Variants in NSD1 observed in about 807,000 individuals in gnomAD.
NSD1 encodes nuclear receptor binding SET domain protein 1, also known as histone-lysine N-methyltransferase, H3 lysine-36 specific.
Under a neutral mutation model 242.7 loss-of-function variants are expected in NSD1, and 26 were observed. The observed-to-expected ratio is 0.11, with a 90% CI of 0.08 to 0.15. The LOEUF (loss-of-function observed/expected upper bound fraction) is 0.15, where lower values mean the gene tolerates loss of function less well. Among genes scored for constraint, NSD1 ranks in the 10% least tolerant of loss-of-function variants. The pLI, the probability that NSD1 is intolerant of heterozygous loss-of-function variation, is 1.00. For missense variants in NSD1, 2,495 were observed against 3,272.8 expected, an observed-to-expected ratio of 0.76 and a Z score of 5.80; for synonymous variants, 1,106 against 1,178.1, an observed-to-expected ratio of 0.94 and a Z score of 1.25.
chr5:177,279,076 T>C (rs2127254123), intron 17 of NSD1, among the ~76,000 whole-genome samples: 1 of 152,328 alleles, frequency 6.6e-6, no homozygotes, highest in Non-Finnish European at 1.5e-5. Context: ...AATTATAAGC[T>C]GGGTGTGGTG....
chr5:177,194,950 G>A (rs993050866), intron 3 of NSD1, among the ~76,000 whole-genome samples: 2 of 151,954 alleles, frequency 1.3e-5, no homozygotes, highest in Admixed American at 1.3e-4. Flanking sequence ...CCTGAGGTCA[G>A]GAGTTCGAGA....
Position 177,282,575 on chromosome 5 carries a change from A to G in NSD1, c.6003A>G (p.Leu2001=), listed in dbSNP as rs1758979667. The G allele has an allele frequency of 6.3e-7, 1 of 1,581,008 alleles. No homozygotes were observed. The highest frequency in any genetic ancestry group is 1.7e-5 in the Admixed American group (1 of 59,958). The change falls in exon 19 of 23, where the codon CTA becomes CTG. Residue 2001 remains leucine, a synonymous_variant. Coordinates refer to ENST00000439151, the MANE Select transcript of NSD1 (RefSeq NM_022455.5). ...TCACTAATTTCTATATGCTCACCCT[A>G]GACAAAGTAAGTAATGGGAAATGCT... ...HDITNFYMLT[L]DKDRIIDAGP...
At chr5:177,205,949 G>A (rs188038845) in intron 4 of NSD1, among the ~76,000 whole-genome samples, 62 of 151,996 alleles carry the variant, frequency 4.1e-4, no homozygotes, top group Non-Finnish European at 3.4e-4. Context: ...TCAGTCTCCC[G>A]AGTAGCTGGG....
chr5:177,244,378 A>C (rs192328055), intron 9 of NSD1, 108 bp downstream of exon 9: 36 of 814,864 alleles, frequency 4.4e-5, no homozygotes, highest in Admixed American at 1.2e-4. Context: ...GTGAGGTACA[A>C]GTTTTAAAAC....
At chr5:177,204,335 T>C in intron 4 of NSD1, 43 bp downstream of exon 4, 2 of 1,571,086 alleles carry the variant, frequency 1.3e-6, no homozygotes, top group Non-Finnish European at 1.7e-6. Flanking sequence ...CAGAAGCAAG[T>C]AAGAAAAAGA....
chr5:177,289,667 TA>T (rs1297958125), intron 21 of NSD1, among the ~76,000 whole-genome samples: 1 of 152,204 alleles, frequency 6.6e-6, no homozygotes, highest in Non-Finnish European at 1.5e-5. Flanking sequence ...ACATCATAGA[TA>T]AAAGTAGAAC....
Position 177,269,809 on chromosome 5 carries a change from TA to T in NSD1, c.5509+4del. ...GAGTGGATGGGACATATAAAAAAGG[TA>T]ACTTTATCCTTTTTGTTTCTCAGGC... is the stretch of plus-strand genomic sequence containing the variant. On this transcript the variant is annotated splice_donor_region_variant and intron_variant, in intron 16 of 22. Transcript: ENST00000439151. The surrounding 1 kb of genome is among the most constrained non-coding windows in gnomAD (Gnocchi z 5.1). 1 of 1,609,228 alleles carries T rather than the reference TA, an allele frequency of 6.2e-7. No homozygotes were observed. Among genetic ancestry groups the T allele is most frequent in the Non-Finnish European group, 8.5e-7 (1 of 1,176,704 alleles).
intron 14 of NSD1, among the ~76,000 whole-genome samples, chr5:177,264,028 A>ATTTTTTTTTT (rs61538775): frequency 0.053 from 4,042 of 76,210 alleles, 807 homozygotes; most frequent in East Asian, 0.097. Flanking sequence ...CAATGAACCA[A>ATTTTTTTTTT]TTTTTTTTTT....
At chr5:177,184,807 T>C (rs1760969998) in intron 2 of NSD1, among the ~76,000 whole-genome samples, 1 of 152,142 alleles carries the variant, frequency 6.6e-6, no homozygotes, top group African/African-American at 2.4e-5. Flanking sequence ...AGTGCTAGGA[T>C]TGTGCAGGCC....
chr5:177,209,868 A>G lies in NSD1; in HGVS notation c.1469A>G (p.Lys490Arg). 6.2e-7 allele frequency: 1 copy of G among 1,614,194 alleles called. No individual in the cohort carries two copies. The highest frequency in any genetic ancestry group is 1.6e-4 in the Middle Eastern group (1 of 6,062). ...AFDSEHSADE[K>R]EKPCAKSRAR... is the part of the protein sequence containing the mutation. ...GATTCTGAACATTCTGCAGATGAGAAGGAAAAGCCTTGCGCTAAATCTCGA... is the reference window on the plus strand; with the variant it reads ...GATTCTGAACATTCTGCAGATGAGAGGGAAAAGCCTTGCGCTAAATCTCGA... The change falls in exon 5 of 23, where the codon AAG (lysine) becomes AGG (arginine). Residue 490 changes from lysine to arginine, a missense_variant. This residue lies in a region of NSD1 where 515 missense variants were observed against 467.0 expected (regional missense o/e 1.10). Transcript: ENST00000439151.
At chr5:177,170,633 G>A (rs554728025) in intron 2 of NSD1, among the ~76,000 whole-genome samples, 20 of 152,202 alleles carry the variant, frequency 1.3e-4, no homozygotes, top group South Asian at 4.1e-4. Context: ...GATTACAGGC[G>A]TGAGCCACTG....
At chr5:177,251,704 G>A (rs1755984384) in intron 11 of NSD1, 26 bp from the exon 12 acceptor site, 5 of 1,613,120 alleles carry the variant, frequency 3.1e-6, no homozygotes, top group East Asian at 2.2e-5. Flanking sequence ...TGGAAAAACA[G>A]ATAGATGTTT....
intron 5 of NSD1, among the ~76,000 whole-genome samples, chr5:177,226,343 G>T (rs1021122170): frequency 1.7e-4 from 26 of 152,134 alleles, no homozygotes; most frequent in African/African-American, 6.0e-4. Context: ...CCAGTAGTGT[G>T]CCATAATTTG....
chr5:177,213,129 G>A (rs1283690833), intron 5 of NSD1, among the ~76,000 whole-genome samples: 1 of 152,324 alleles, frequency 6.6e-6, no homozygotes, highest in Admixed American at 6.5e-5. Flanking sequence ...GTACCTAGCA[G>A]CAGATGGAAA....
intron 14 of NSD1, chr5:177,264,938 A>G (rs1757298724): frequency 3.4e-6 from 3 of 891,954 alleles, no homozygotes; most frequent in South Asian, 1.3e-5. Context: ...AAGTGTTATC[A>G]TGGCAAAACT....
intron 2 of NSD1, among the ~76,000 whole-genome samples, chr5:177,139,273 G>T (rs1019470977): frequency 2.0e-5 from 3 of 149,366 alleles, no homozygotes; most frequent in African/African-American, 7.4e-5. Flanking sequence ...AAACCATCCT[G>T]GCCGACATGG....
At chr5:177,252,524 C>T (rs1207565168) in intron 12 of NSD1, among the ~76,000 whole-genome samples, 1 of 141,848 alleles carries the variant, frequency 7.0e-6, no homozygotes, top group Non-Finnish European at 1.5e-5. Context: ...TAAAGCTGCG[C>T]TAAAGTAAAG....
At chr5:177,193,402 A>G (rs1346650318) in intron 3 of NSD1, among the ~76,000 whole-genome samples, 2 of 152,062 alleles carry the variant, frequency 1.3e-5, no homozygotes, top group African/African-American at 4.8e-5. Context: ...TCGGCCTTAC[A>G]AAATGCTGGG....
At chr5:177,194,018 C>G (rs1228257057) in intron 3 of NSD1, among the ~76,000 whole-genome samples, 1 of 152,128 alleles carries the variant, frequency 6.6e-6, no homozygotes, top group Non-Finnish European at 1.5e-5. Context: ...CTCAAGTGAA[C>G]CACAGGTCTT....
Sources: allele counts gnomAD v4.1 joint callset (sites outside exome capture counted in the v4.1 genomes callset), GRCh38; gene constraint gnomAD v4.1.1; regional missense constraint gnomAD v4.1.1; non-coding constraint Gnocchi (gnomAD v3.1); transcripts MANE v1.5; gene names NCBI Gene and HGNC (gene_info 2026-07-23, HGNC 2026-07-21).